Variants in LYRM7 observed in about 807,000 individuals in gnomAD.
LYRM7 encodes complex III assembly factor LYRM7.
A neutral mutation model predicts 15.8 loss-of-function variants in LYRM7; 9 were observed. The ratio of observed to expected loss-of-function variants is 0.57; its 90% CI spans 0.34 to 0.99. The LOEUF (loss-of-function observed/expected upper bound fraction) is 0.99, where lower values mean the gene tolerates loss of function less well. Ranked by LOEUF, LYRM7 falls within the 50% of genes least tolerant of loss-of-function variation. LYRM7 has a pLI of 0.02. For missense variants in LYRM7, 115 were observed against 119.1 expected, an observed-to-expected ratio of 0.97 and a Z score of 0.16; for synonymous variants, 39 against 39.4, an observed-to-expected ratio of 0.99 and a Z score of 0.04.
intron 1 of LYRM7, among the ~76,000 whole-genome samples, chr5:131,178,872 G>C (rs914111547): frequency 2.1e-5 from 3 of 144,114 alleles, no homozygotes; most frequent in African/African-American, 7.8e-5. Context: ...TGAGGCAGGA[G>C]AATCGCTTGA....
chr5:131,173,167 G>A (rs998568209), intron 1 of LYRM7, among the ~76,000 whole-genome samples: 2 of 151,984 alleles, frequency 1.3e-5, no homozygotes, highest in Non-Finnish European at 2.9e-5. Context: ...GGGATTCTAC[G>A]ATGCTTGCAA....
rs1755507269 is a variant in LYRM7 at position 131,170,952 on chromosome 5, CTT to C, written c.-67_-66del. On this transcript the variant is annotated 5_prime_UTR_variant, in exon 1 of 5. Coordinates refer to ENST00000379380, the MANE Select transcript of LYRM7 (RefSeq NM_181705.4). Reference sequence around the variant, plus strand: ...TACAGGGGGCTGGAAACAGTTCAGTCTTTGATTGGTTGCTGAGAGGCGGGGCT... The same window carrying C: ...TACAGGGGGCTGGAAACAGTTCAGTCTGATTGGTTGCTGAGAGGCGGGGCT... The C allele has an allele frequency of 5.3e-6, 8 of 1,521,736 alleles. No homozygotes were observed. The East Asian group carries it at 2.1e-4, about 40-fold the overall frequency. The allele number at this position is 1,521,736 out of a possible 1,614,324, so 94.3% of individuals were successfully genotyped here.
At chr5:131,199,036 GT>G (rs1756016499) in intron 4 of LYRM7, among the ~76,000 whole-genome samples, 1 of 152,116 alleles carries the variant, frequency 6.6e-6, no homozygotes, top group African/African-American at 2.4e-5. Flanking sequence ...ATTACAGAAG[GT>G]TTAGCATCCC....
At chr5:131,185,617 A>C (rs544631856) in intron 3 of LYRM7, among the ~76,000 whole-genome samples, 1 of 152,170 alleles carries the variant, frequency 6.6e-6, no homozygotes, top group Non-Finnish European at 1.5e-5. Flanking sequence ...TATCAATACT[A>C]ATATCCATCT....
chr5:131,174,774 A>G (rs1002323684), intron 1 of LYRM7, among the ~76,000 whole-genome samples: 9 of 151,986 alleles, frequency 5.9e-5, no homozygotes, highest in African/African-American at 2.2e-4. Flanking sequence ...AGCCCAGAAG[A>G]TCGAGACTTC....
At chr5:131,194,423 C>T (rs879525933) in intron 4 of LYRM7, among the ~76,000 whole-genome samples, 6 of 152,270 alleles carry the variant, frequency 3.9e-5, no homozygotes, top group East Asian at 1.9e-4. Flanking sequence ...CTTCAAATAA[C>T]GCTGCTTTGT....
At chr5:131,193,586 A>G (rs2149665192) in intron 4 of LYRM7, among the ~76,000 whole-genome samples, 1 of 152,368 alleles carries the variant, frequency 6.6e-6, no homozygotes, top group Admixed American at 6.5e-5. Context: ...CCTTTAAATT[A>G]TTTGGATTCC....
At chr5:131,195,243 T>TG (rs1250522148) in intron 4 of LYRM7, among the ~76,000 whole-genome samples, 1 of 152,102 alleles carries the variant, frequency 6.6e-6, no homozygotes, top group Non-Finnish European at 1.5e-5. Flanking sequence ...CACTCCAGCC[T>TG]GGGCGACAGA....
chr5:131,171,252 A>G (rs1009851134), intron 1 of LYRM7, among the ~76,000 whole-genome samples: 4 of 152,012 alleles, frequency 2.6e-5, no homozygotes, highest in Admixed American at 1.3e-4. Context: ...TGTGGTTCCT[A>G]CTTCTTGGTA....
At chr5:131,179,474 T>TTTTTTTTTTTC (rs1755656299) in intron 1 of LYRM7, among the ~76,000 whole-genome samples, 8 of 23,490 alleles carry the variant, frequency 3.4e-4, no homozygotes, top group Non-Finnish European at 7.8e-4. Flanking sequence ...TTTTTTTTTC[T>TTTTTTTTTTTC]TTTTTTTTTT....
At chr5:131,172,299 G>A (rs897542033) in intron 1 of LYRM7, among the ~76,000 whole-genome samples, 1 of 152,164 alleles carries the variant, frequency 6.6e-6, no homozygotes, top group Non-Finnish European at 1.5e-5. Context: ...CTGTAATCCC[G>A]CTACTCGGGA....
Position 131,199,627 on chromosome 5 carries a change from G to C in LYRM7, c.*26G>C, listed in dbSNP as rs765213577. 4 of 1,530,236 alleles carry C rather than the reference G, an allele frequency of 2.6e-6. No individual in the cohort carries two copies. Among genetic ancestry groups the C allele is most frequent in the Admixed American group, 1.9e-5 (1 of 51,446 alleles). 94.8% of individuals were successfully genotyped at this position (1,530,236 alleles called of 1,614,324 possible). On this transcript the variant is annotated 3_prime_UTR_variant, in exon 5 of 5. Transcript: ENST00000379380. Reference sequence around the variant, plus strand: ...GTTTTCTAGAATACAACAAGTCTTTGTACTTTTTAACTTTAAAATCTACAA... The same window carrying C: ...GTTTTCTAGAATACAACAAGTCTTTCTACTTTTTAACTTTAAAATCTACAA...
At chr5:131,182,787 A>G (rs1580695345) in intron 3 of LYRM7, among the ~76,000 whole-genome samples, 1 of 152,186 alleles carries the variant, frequency 6.6e-6, no homozygotes, top group East Asian at 1.9e-4. Context: ...GACACTGTAC[A>G]GACACTACTT....
At chr5:131,177,398 T>C (rs148709656) in intron 1 of LYRM7, among the ~76,000 whole-genome samples, 1 of 152,226 alleles carries the variant, frequency 6.6e-6, no homozygotes, top group Non-Finnish European at 1.5e-5. Flanking sequence ...GTGGAGGATA[T>C]TCTTCTGTAG....
intron 1 of LYRM7, among the ~76,000 whole-genome samples, chr5:131,179,455 CTT>C (rs1276304946): frequency 1.1e-3 from 103 of 95,336 alleles, no homozygotes; most frequent in African/African-American, 3.2e-3. Context: ...TTTTTCTTTT[CTT>C]TTTTTTTTTT....
chr5:131,196,979 G>A (rs1190782559), intron 4 of LYRM7, among the ~76,000 whole-genome samples: 1 of 152,068 alleles, frequency 6.6e-6, no homozygotes, highest in Non-Finnish European at 1.5e-5. Flanking sequence ...TATTGATAAT[G>A]TGAGAAAAAT....
In LYRM7 at chr5:131,204,867, C is replaced by G. The variant is rs577521306; in HGVS notation, c.*5266C>G. ...GAAACGATACATGATTAATCTTAAT[C>G]GGGAAGGAAAAGAGATTTAGGGAAG... On this transcript the variant is annotated 3_prime_UTR_variant, in exon 5 of 5. Transcript: ENST00000379380. 1 of 151,648 alleles carries G rather than the reference C, an allele frequency of 6.6e-6. No individual in the cohort carries two copies. Among genetic ancestry groups the G allele is most frequent in the Non-Finnish European group, 1.5e-5 (1 of 67,928 alleles). The allele number at this position is 151,648 out of a possible 1,614,324, so 9.4% of individuals were successfully genotyped here. A position where few individuals can be genotyped will look rare whatever the true frequency, so the allele number is the denominator to read the frequency against.
At chr5:131,193,373 A>G (rs561849922) in intron 4 of LYRM7, among the ~76,000 whole-genome samples, 43 of 152,250 alleles carry the variant, frequency 2.8e-4, no homozygotes, top group Non-Finnish European at 5.4e-4. Context: ...AGTTCTTGGA[A>G]TGCCAGGATA....
At chr5:131,198,733 AT>A (rs564975657) in intron 4 of LYRM7, among the ~76,000 whole-genome samples, 7,778 of 134,566 alleles carry the variant, frequency 0.058, 327 homozygotes, top group African/African-American at 0.13. Flanking sequence ...CACCCAGCTG[AT>A]TTTTTTTTTT....
Sources: gnomAD v4.1 joint callset for allele counts (sites outside exome capture counted in the v4.1 genomes callset) on GRCh38, gnomAD v4.1.1 for gene constraint, MANE v1.5 for transcripts, NCBI Gene and HGNC (gene_info 2026-07-23, HGNC 2026-07-21) for gene names.